ANLN: variants seen among roughly 807,000 people sequenced by gnomAD.
ANLN encodes anillin, actin binding protein.
In ANLN, 59 loss-of-function variants were observed where a neutral mutation model predicts 135.1. The observed-to-expected ratio is 0.44, with a 90% CI of 0.35 to 0.54. ANLN has a LOEUF of 0.54. Ranked by LOEUF, ANLN falls within the 20% of genes least tolerant of loss-of-function variation. The pLI is 0.00. For missense variants in ANLN, 1,182 were observed against 1,340.0 expected (o/e 0.88, Z 1.84); for synonymous variants, 406 against 456.4 (o/e 0.89, Z 1.41).
At chr7:36,413,589 A>G (rs1217080576) in intron 7 of ANLN, among the ~76,000 whole-genome samples, 1 of 152,256 alleles carries the variant, frequency 6.6e-6, no homozygotes, top group African/African-American at 2.4e-5. Flanking sequence ...GCACATATGC[A>G]TGTAAACAAA....
chr7:36,404,723 C>T (rs185695857), intron 3 of ANLN, among the ~76,000 whole-genome samples: 7 of 152,260 alleles, frequency 4.6e-5, no homozygotes, highest in Middle Eastern at 3.4e-3. Flanking sequence ...TTGGGGACAT[C>T]ATTAGGGCAA....
rs149081841 is a variant in ANLN, at chr7:36,449,849, C to G, written c.3251+12C>G. Reference sequence around the variant, plus strand: ...CTCTGTGTTACCAAGTATGTATTGGCCTATAAATATTTCTATCAACTAAGC... The same window carrying G: ...CTCTGTGTTACCAAGTATGTATTGGGCTATAAATATTTCTATCAACTAAGC... On this transcript the variant is annotated intron_variant, in intron 23 of 23. Coordinates refer to ENST00000265748, the MANE Select transcript of ANLN (RefSeq NM_018685.5). The G allele has an allele frequency of 3.0e-3, 4,892 of 1,607,104 alleles. 15 individuals carry two copies. Among genetic ancestry groups the G allele is most frequent in the Non-Finnish European group, 3.9e-3 (4,558 of 1,176,666 alleles).
chr7:36,447,272 CTTA>C (rs1008584047), intron 22 of ANLN, among the ~76,000 whole-genome samples: 2 of 152,000 alleles, frequency 1.3e-5, no homozygotes, highest in African/African-American at 4.8e-5. Context: ...TTTTTCTCTC[CTTA>C]TTAAGTTGAA....
rs563405573 is a variant in ANLN at position 36,442,876 on chromosome 7, C to T, written c.2971-879C>T. On this transcript the variant is annotated intron_variant, in intron 21 of 23. Coordinates refer to ENST00000265748, the MANE Select transcript of ANLN (RefSeq NM_018685.5). The stretch of plus-strand genomic sequence containing the variant: ...CGATCTCCTGACCTCGTGATCCGCC[C>T]GCCTCGGCCTCCCAAAGTGCTGGGA... Among the ~76,000 whole-genome samples the T allele has an allele frequency of 2.9e-3, 442 of 151,328 alleles. 2 individuals carry two copies. Among genetic ancestry groups the T allele is most frequent in the Non-Finnish European group, 5.1e-3 (343 of 67,908 alleles).
intron 4 of ANLN, 140 bp from the exon 5 acceptor site, chr7:36,407,590 TTTGA>T: frequency 1.6e-6 from 1 of 629,024 alleles, no homozygotes; most frequent in Non-Finnish European, 2.7e-6. Context: ...TTCAAATTTG[TTTGA>T]TCTATTAGAG....
chr7:36,408,084 T>C (rs1787267191), intron 5 of ANLN, 128 bp downstream of exon 5: 1 of 714,806 alleles, frequency 1.4e-6, no homozygotes, highest in East Asian at 2.7e-5. Context: ...ATGTTCCAAA[T>C]GAGACCTCAG....
rs371189817 is a variant in ANLN, at chr7:36,449,704, C to T, written c.3118C>T (p.Arg1040Cys). 7.4e-6 allele frequency: 12 copies of T among 1,613,678 alleles called. No individual in the cohort carries two copies. The highest frequency in any genetic ancestry group is 1.6e-4 in the Middle Eastern group (1 of 6,080). ...GATAAATCTGGCTAATTGTACCAGTCGTCAGATAGAACCAGCCAACAGAGA... is the reference window on the plus strand; with the variant it reads ...GATAAATCTGGCTAATTGTACCAGTTGTCAGATAGAACCAGCCAACAGAGA... ...GRINLANCTS[R>C]QIEPANREFC... The change falls in exon 23 of 24, where the codon CGT becomes TGT. Residue 1040 changes from arginine to cysteine, a missense_variant. Arg to Cys is a radical substitution (Grantham distance 180, BLOSUM62 -3). Around this residue, in one of 3 missense-constraint regions of ANLN, gnomAD observed 82 missense variants for 133.3 expected, o/e 0.62. Coordinates refer to ENST00000265748, the MANE Select transcript of ANLN (RefSeq NM_018685.5).
At chr7:36,447,713 G>A (rs983597943) in intron 22 of ANLN, among the ~76,000 whole-genome samples, 4 of 152,196 alleles carry the variant, frequency 2.6e-5, no homozygotes, top group African/African-American at 9.6e-5. Flanking sequence ...CAGGTAAGGC[G>A]TGGATACGCT....
chr7:36,445,161 C>CTTTT lies in ANLN; in HGVS notation c.3078+1323_3078+1326dup, dbSNP rs70977145. ...TTAGAGGCGTTTCAGATTTGGGATT[C>CTTTT]TTTTTTTTTTTTTTTTTTTTTTTTT... On this transcript the variant is annotated intron_variant, in intron 22 of 23. Coordinates refer to ENST00000265748, the MANE Select transcript of ANLN (RefSeq NM_018685.5). Among the ~76,000 whole-genome samples, 7 of 57,788 alleles carry CTTTT rather than the reference C, an allele frequency of 1.2e-4. 1 individual carries two copies. Among genetic ancestry groups the CTTTT allele is most frequent in the African/African-American group, 4.8e-4 (7 of 14,640 alleles). 37.9% of individuals were successfully genotyped at this position (57,788 alleles called of 152,430 possible).
chr7:36,436,330 A>G (rs577806912), intron 20 of ANLN, among the ~76,000 whole-genome samples: 1 of 152,294 alleles, frequency 6.6e-6, no homozygotes, highest in East Asian at 1.9e-4. Context: ...ATATTCTATT[A>G]TATGTATATA....
chr7:36,442,413 A>T (rs1398881300), intron 21 of ANLN, among the ~76,000 whole-genome samples: 1 of 152,104 alleles, frequency 6.6e-6, no homozygotes, highest in Non-Finnish European at 1.5e-5. Context: ...ACATAGGCTG[A>T]TCTGCTTACT....
intron 15 of ANLN, 59 bp from the exon 16 acceptor site, chr7:36,424,486 T>C: frequency 7.3e-7 from 1 of 1,366,802 alleles, no homozygotes; most frequent in Non-Finnish European, 1.0e-6. Context: ...GTAGCATCAT[T>C]TTTAATGGTG....
intron 1 of ANLN, among the ~76,000 whole-genome samples, chr7:36,391,894 C>T (rs1786484467): frequency 1.3e-5 from 2 of 151,938 alleles, no homozygotes; most frequent in South Asian, 4.1e-4. Context: ...TCAAACAAGA[C>T]TGTTCTGCAT....
chr7:36,420,339 C>T, intron 11 of ANLN, 25 bp downstream of exon 11: 1 of 1,611,624 alleles, frequency 6.2e-7, no homozygotes, highest in Non-Finnish European at 8.5e-7. Flanking sequence ...GGAAGGCATT[C>T]ACTCACTAAG....
chr7:36,424,814 T>A, intron 17 of ANLN, 72 bp downstream of exon 17: 1 of 1,439,698 alleles, frequency 6.9e-7, no homozygotes, highest in Non-Finnish European at 9.5e-7. Context: ...AGTTTTAATT[T>A]ATGTACAACT....
intron 21 of ANLN, among the ~76,000 whole-genome samples, chr7:36,441,985 G>A (rs1362029853): frequency 6.6e-6 from 1 of 152,196 alleles, no homozygotes; most frequent in Non-Finnish European, 1.5e-5. Flanking sequence ...AGGCAGGAGA[G>A]CATATGGTTG....
chr7:36,439,816 G>GCATGTGATTGGTGGT (rs1257773307), intron 21 of ANLN, among the ~76,000 whole-genome samples: 1 of 152,212 alleles, frequency 6.6e-6, no homozygotes, highest in Non-Finnish European at 1.5e-5. Context: ...TTGAGGGCAT[G>GCATGTGATTGGTGGT]CATGTGATTG....
At chr7:36,429,124 C>A (rs1368974765) in intron 20 of ANLN, among the ~76,000 whole-genome samples, 1 of 151,886 alleles carries the variant, frequency 6.6e-6, no homozygotes, top group Non-Finnish European at 1.5e-5. Context: ...AGGTATATTG[C>A]TAGATAGATG....
intron 22 of ANLN, among the ~76,000 whole-genome samples, chr7:36,444,210 G>A (rs1197643832): frequency 1.3e-5 from 2 of 151,444 alleles, no homozygotes; most frequent in African/African-American, 4.9e-5. Flanking sequence ...GAATCTCTTG[G>A]ATCCAGGAGA....
Sources: gnomAD v4.1 joint callset for allele counts (sites outside exome capture counted in the v4.1 genomes callset) on GRCh38, gnomAD v4.1.1 for gene constraint, gnomAD v4.1.1 regional missense constraint, MANE v1.5 for transcripts, NCBI Gene and HGNC (gene_info 2026-07-23, HGNC 2026-07-21) for gene names.